Variants in TMEM117 observed in about 807,000 individuals in gnomAD.
The protein encoded by TMEM117 is transmembrane protein 117.
A neutral mutation model predicts 52.4 loss-of-function variants in TMEM117; 27 were observed. That is an observed-to-expected ratio of 0.51 (90% CI 0.38 to 0.71). The LOEUF (loss-of-function observed/expected upper bound fraction) is 0.71, where lower values mean the gene tolerates loss of function less well. Ranked by LOEUF, TMEM117 falls within the 30% of genes least tolerant of loss-of-function variation. TMEM117 has a pLI of 0.00. For synonymous variants in TMEM117, 215 were observed against 206.3 expected (o/e 1.04, Z -0.36); for missense variants, 556 against 630.5 (o/e 0.88, Z 1.26).
At chr12:44,035,559 A>G (rs2137881186) in intron 3 of TMEM117, among the ~76,000 whole-genome samples, 1 of 152,354 alleles carries the variant, frequency 6.6e-6, no homozygotes, top group Non-Finnish European at 1.5e-5. Flanking sequence ...GAGACCAGCC[A>G]GGAGATGACT....
At chr12:44,174,650 CT>C (rs1352097733) in intron 4 of TMEM117, among the ~76,000 whole-genome samples, 1 of 152,080 alleles carries the variant, frequency 6.6e-6, no homozygotes, top group Non-Finnish European at 1.5e-5. Flanking sequence ...TATCTCATAA[CT>C]AGCACTGTGT....
At chr12:43,957,488 A>G (rs891664277) in intron 3 of TMEM117, among the ~76,000 whole-genome samples, 4 of 152,126 alleles carry the variant, frequency 2.6e-5, no homozygotes, top group Non-Finnish European at 5.9e-5. Context: ...ATAGAAAACT[A>G]TTTTCTTCCA....
chr12:44,004,458 A>G (rs2137787766), intron 3 of TMEM117, among the ~76,000 whole-genome samples: 1 of 152,284 alleles, frequency 6.6e-6, no homozygotes. Context: ...ATTTACACAA[A>G]GAGAATGGAG....
intron 2 of TMEM117, among the ~76,000 whole-genome samples, chr12:43,864,800 C>T (rs530843880): frequency 3.3e-5 from 5 of 152,134 alleles, no homozygotes; most frequent in Admixed American, 2.6e-4. Context: ...AGCAGGGGGT[C>T]CACACTGTGG....
chr12:44,186,688 T>G (rs1488157120), intron 4 of TMEM117, among the ~76,000 whole-genome samples: 1 of 152,138 alleles, frequency 6.6e-6, no homozygotes, highest in Non-Finnish European at 1.5e-5. Context: ...GAAGACTAAT[T>G]TTACTGTGTC....
chr12:44,336,626 G>GT (rs1037313262), intron 6 of TMEM117, among the ~76,000 whole-genome samples: 8 of 151,856 alleles, frequency 5.3e-5, no homozygotes, highest in Admixed American at 6.6e-5. Context: ...TGGATTCCTG[G>GT]TTTTATGTTT....
chr12:44,071,305 C>T (rs974612300), intron 3 of TMEM117, among the ~76,000 whole-genome samples: 5 of 152,116 alleles, frequency 3.3e-5, no homozygotes, highest in African/African-American at 4.8e-5. Context: ...GGTGTGCGTT[C>T]ACCCTTCCCT....
chr12:44,278,912 T>A (rs1950546306), intron 5 of TMEM117, among the ~76,000 whole-genome samples: 2 of 152,202 alleles, frequency 1.3e-5, no homozygotes, highest in South Asian at 4.1e-4. Context: ...TTTTATTTGC[T>A]CTTTCTTCAA....
intron 2 of TMEM117, among the ~76,000 whole-genome samples, chr12:43,856,815 A>C (rs534507748): frequency 4.6e-5 from 7 of 152,102 alleles, no homozygotes; most frequent in Admixed American, 2.6e-4. Flanking sequence ...ACACTCATGA[A>C]AAAAAAATAA....
At chr12:44,153,335 G>C (rs1179796947) in intron 4 of TMEM117, among the ~76,000 whole-genome samples, 1 of 151,948 alleles carries the variant, frequency 6.6e-6, no homozygotes, top group Non-Finnish European at 1.5e-5. Context: ...CTGACAAACT[G>C]AATAATTTTC....
chr12:44,023,101 C>T (rs1162180349), intron 3 of TMEM117, among the ~76,000 whole-genome samples: 1 of 152,106 alleles, frequency 6.6e-6, no homozygotes, highest in Non-Finnish European at 1.5e-5. Context: ...CCCTAAAATC[C>T]AGTGGGAATG....
At chr12:44,122,827 A>G (rs1442154496) in intron 3 of TMEM117, among the ~76,000 whole-genome samples, 1 of 152,192 alleles carries the variant, frequency 6.6e-6, no homozygotes, top group Non-Finnish European at 1.5e-5. Flanking sequence ...ATGGGCATTT[A>G]GGTTGATTCC....
At chr12:44,328,515 T>TG (rs1951225573) in intron 6 of TMEM117, among the ~76,000 whole-genome samples, 1 of 152,180 alleles carries the variant, frequency 6.6e-6, no homozygotes, top group African/African-American at 2.4e-5. Flanking sequence ...TTCGTTCAGC[T>TG]ACTTTTAGAA....
At chr12:44,167,937 A>G (rs959438438) in intron 4 of TMEM117, among the ~76,000 whole-genome samples, 5 of 152,082 alleles carry the variant, frequency 3.3e-5, no homozygotes, top group African/African-American at 7.2e-5. Context: ...CTAAGTGCCC[A>G]TATTCAGATA....
At chr12:44,352,741 T>G (rs528093671) in intron 6 of TMEM117, among the ~76,000 whole-genome samples, 1 of 152,314 alleles carries the variant, frequency 6.6e-6, no homozygotes, top group East Asian at 1.9e-4. Flanking sequence ...TTATGAATAG[T>G]GCTGCAATAA....
At chr12:44,051,118 T>A (rs1946964355) in intron 3 of TMEM117, among the ~76,000 whole-genome samples, 1 of 152,168 alleles carries the variant, frequency 6.6e-6, no homozygotes, top group Admixed American at 6.5e-5. Context: ...CAACTGCATA[T>A]AAAATTCAGA....
chr12:43,937,872 T>C (rs766808331), intron 2 of TMEM117, among the ~76,000 whole-genome samples: 1 of 152,150 alleles, frequency 6.6e-6, no homozygotes, highest in African/African-American at 2.4e-5. Flanking sequence ...AGCACACATA[T>C]AGTAGACAAA....
At chr12:43,822,018 G>A in the TMEM117 span, among the ~76,000 whole-genome samples, 6 of 152,222 alleles carry the variant, frequency 3.9e-5, no homozygotes, top group African/African-American at 1.4e-4. Context: ...TCATGAGGAA[G>A]CAAAAGATGA....
the TMEM117 span, among the ~76,000 whole-genome samples, chr12:43,822,479 C>CTT: frequency 5.2e-5 from 7 of 134,780 alleles, no homozygotes; most frequent in South Asian, 2.4e-4. Context: ...CTTTAAATAT[C>CTT]TTTTTTTTTT....
Sources: allele counts gnomAD v4.1 joint callset (sites outside exome capture counted in the v4.1 genomes callset), GRCh38; gene constraint gnomAD v4.1.1; transcripts MANE v1.5; gene names NCBI Gene and HGNC (gene_info 2026-07-23, HGNC 2026-07-21).